Variants in FAM81B observed in about 807,000 individuals in gnomAD.
FAM81B encodes the protein family with sequence similarity 81 member B.
Under a neutral mutation model 58.7 loss-of-function variants are expected in FAM81B, and 60 were observed. The observed-to-expected ratio is 1.02, with a 90% confidence interval of 0.83 to 1.27. The LOEUF is 1.27. Ranked by LOEUF, FAM81B falls within the 50% of genes most tolerant of loss-of-function variation. The pLI, the probability that FAM81B is intolerant of heterozygous loss-of-function variation, is 0.00. For synonymous variants in FAM81B, 189 were observed against 179.6 expected (o/e 1.05, Z -0.42); for missense variants, 491 against 522.0 (o/e 0.94, Z 0.58).
In FAM81B at chr5:95,414,063, A is replaced by T; in HGVS notation, c.410A>T (p.Glu137Val). Reference sequence around the variant, plus strand: ...CTTGAACAAGCCTTCCGCATCAAGGAGGACATCTCTGCTTGCCTGCAGGGG... The same window carrying T: ...CTTGAACAAGCCTTCCGCATCAAGGTGGACATCTCTGCTTGCCTGCAGGGG... ...FLLEQAFRIK[E>V]DISACLQGTH... Residue 137 changes from glutamate to valine, a missense_variant, in exon 4 of 10, where the codon GAG (glutamate) becomes GTG (valine). Transcript: ENST00000283357. 6.2e-7 allele frequency: 1 copy of T among 1,614,124 alleles called. No homozygotes were observed. Among genetic ancestry groups the T allele is most frequent in the Non-Finnish European group, 8.5e-7 (1 of 1,180,004 alleles).
chr5:95,448,470 C>T lies in FAM81B; in HGVS notation c.1225+6C>T. 6.3e-7 allele frequency: 1 copy of T among 1,589,992 alleles called. No homozygotes were observed. The highest frequency in any genetic ancestry group is 8.5e-7 in the Non-Finnish European group (1 of 1,172,450). On this transcript the variant is annotated splice_donor_region_variant and intron_variant, in intron 9 of 9. Coordinates refer to ENST00000283357, the MANE Select transcript of FAM81B (RefSeq NM_152548.3). Reference sequence around the variant, plus strand: ...GCAGAATGAATATCAATCAGGTGAGCAGATACCTTTTATTAAGTAAAGAAT... The same window carrying T: ...GCAGAATGAATATCAATCAGGTGAGTAGATACCTTTTATTAAGTAAAGAAT...
chr5:95,414,411 A>G (rs1477876266), intron 4 of FAM81B, among the ~76,000 whole-genome samples: 1 of 152,192 alleles, frequency 6.6e-6, no homozygotes, highest in Non-Finnish European at 1.5e-5. Flanking sequence ...AAAAATATTT[A>G]CTGTATATTT....
At chr5:95,403,256 A>C (rs1183047926) in intron 3 of FAM81B, among the ~76,000 whole-genome samples, 1 of 151,748 alleles carries the variant, frequency 6.6e-6, no homozygotes, top group African/African-American at 2.4e-5. Flanking sequence ...TCCCTCCCTC[A>C]CCCTCCCCTG....
intron 4 of FAM81B, among the ~76,000 whole-genome samples, chr5:95,416,174 G>A (rs1018825520): frequency 2.0e-5 from 3 of 152,180 alleles, no homozygotes; most frequent in African/African-American, 7.2e-5. Flanking sequence ...GCTACCTTTA[G>A]TAAATAACTA....
intron 3 of FAM81B, among the ~76,000 whole-genome samples, chr5:95,409,368 A>G (rs1762348796): frequency 6.6e-6 from 1 of 152,054 alleles, no homozygotes; most frequent in Non-Finnish European, 1.5e-5. Flanking sequence ...CATGTTGGCC[A>G]GGCTGGTTTC....
Position 95,448,266 on chromosome 5 carries a change from C to T in FAM81B, c.1030-3C>T. The T allele has an allele frequency of 1.3e-6, 2 of 1,595,726 alleles. No homozygotes were observed. The highest frequency in any genetic ancestry group is 1.7e-6 in the Non-Finnish European group (2 of 1,175,360). ...AAGTTTTATCCCATAATCTCTTTTACAGGAAAAGTCTGAAAATAAAATGGA... is the reference window on the plus strand; with the variant it reads ...AAGTTTTATCCCATAATCTCTTTTATAGGAAAAGTCTGAAAATAAAATGGA... On this transcript the variant is annotated splice_region_variant and splice_polypyrimidine_tract_variant and intron_variant, in intron 8 of 9. Transcript: ENST00000283357.
At chr5:95,410,905 C>A (rs1196933542) in intron 3 of FAM81B, 2 of 152,082 alleles carry the variant, frequency 1.3e-5, no homozygotes, top group African/African-American at 4.8e-5. Context: ...AACATTTCTT[C>A]AAATAAAAAT....
chr5:95,430,561 T>A (rs931682969), intron 6 of FAM81B, among the ~76,000 whole-genome samples: 2 of 152,032 alleles, frequency 1.3e-5, no homozygotes, highest in African/African-American at 4.8e-5. Context: ...TAACTGCTCT[T>A]GCATAGATGG....
chr5:95,448,297 A>G lies in FAM81B; in HGVS notation c.1058A>G (p.Lys353Arg). The change falls in exon 9 of 10, where the codon AAA becomes AGA. Residue 353 changes from lysine (K) to arginine (R), a missense_variant. By Grantham distance (26) the Lys-to-Arg change is conservative (BLOSUM62 2). Transcript: ENST00000283357. ...AAGTCTGAAAATAAAATGGAAGAAA[A>G]ACTGCTGCAGCTTTCAAGCAAAGTA... ...LEKSENKMEE[K>R]LLQLSSKVEN... is the part of the protein sequence containing the mutation. 1 of 1,603,670 alleles carries G rather than the reference A, an allele frequency of 6.2e-7. No homozygotes were observed. Among genetic ancestry groups the G allele is most frequent in the Non-Finnish European group, 8.5e-7 (1 of 1,177,350 alleles).
intron 5 of FAM81B, among the ~76,000 whole-genome samples, chr5:95,422,475 A>T (rs1762711522): frequency 1.3e-5 from 2 of 152,048 alleles, no homozygotes; most frequent in African/African-American, 4.8e-5. Flanking sequence ...AAAACCAAAC[A>T]TGGTTTCTTT....
intron 4 of FAM81B, among the ~76,000 whole-genome samples, chr5:95,419,252 G>C (rs1296443035): frequency 6.6e-6 from 1 of 152,092 alleles, no homozygotes; most frequent in African/African-American, 2.4e-5. Flanking sequence ...TGTGGTCTTT[G>C]AAATTCTTGT....
chr5:95,450,220 T>C lies in FAM81B; in HGVS notation c.1297T>C (p.Tyr433His). The part of the protein sequence containing the change: ...IQKTKMDLEK[Y>H]KVQKDLKKLQ... ...GAAAACAAAGATGGATTTAGAGAAA[T>C]ATAAAGTACAGAAAGACCTAAAGAA... is the stretch of plus-strand genomic sequence containing the variant. The change falls in exon 10 of 10, where the codon TAT becomes CAT. Residue 433 changes from tyrosine (Y) to histidine (H), a missense_variant. Transcript: ENST00000283357. 6.2e-7 allele frequency: 1 copy of C among 1,613,272 alleles called. No individual in the cohort carries two copies. The highest frequency in any genetic ancestry group is 8.5e-7 in the Non-Finnish European group (1 of 1,179,610).
At chr5:95,413,375 C>G (rs566746204) in intron 3 of FAM81B, among the ~76,000 whole-genome samples, 1 of 152,200 alleles carries the variant, frequency 6.6e-6, no homozygotes, top group East Asian at 1.9e-4. Context: ...GAGATTATGT[C>G]TTTTGGGATT....
At chr5:95,447,739 T>A (rs1031061834) in intron 8 of FAM81B, among the ~76,000 whole-genome samples, 3 of 152,196 alleles carry the variant, frequency 2.0e-5, no homozygotes, top group Non-Finnish European at 4.4e-5. Flanking sequence ...CAGCTGATTA[T>A]CCTAAGGCTG....
intron 6 of FAM81B, among the ~76,000 whole-genome samples, chr5:95,434,790 T>A (rs1405592908): frequency 6.6e-6 from 1 of 152,282 alleles, no homozygotes; most frequent in African/African-American, 2.4e-5. Context: ...CCTCTGATTA[T>A]ATATTTGGCT....
intron 6 of FAM81B, among the ~76,000 whole-genome samples, chr5:95,434,256 T>C (rs1281226284): frequency 6.6e-6 from 1 of 152,174 alleles, no homozygotes; most frequent in Non-Finnish European, 1.5e-5. Context: ...TCAGGTTCAT[T>C]CAAACTTTTG....
intron 8 of FAM81B, 111 bp downstream of exon 8, chr5:95,446,808 G>A (rs1582833494): frequency 7.2e-7 from 1 of 1,385,032 alleles, no homozygotes; most frequent in South Asian, 1.3e-5. Flanking sequence ...CACTGCTTCA[G>A]TAACTTTTTT....
chr5:95,399,511 C>T (rs1056815890), intron 3 of FAM81B, among the ~76,000 whole-genome samples: 1 of 150,790 alleles, frequency 6.6e-6, no homozygotes, highest in Admixed American at 6.6e-5. Context: ...ATGGGCAAGG[C>T]TCTGCTGAGA....
chr5:95,439,558 G>C (rs1042440705), intron 7 of FAM81B, among the ~76,000 whole-genome samples: 2 of 151,136 alleles, frequency 1.3e-5, no homozygotes, highest in African/African-American at 4.9e-5. Context: ...ATTTGACTGA[G>C]ATATGTATTG....
Sources: allele counts gnomAD v4.1 joint callset (sites outside exome capture counted in the v4.1 genomes callset), GRCh38; gene constraint gnomAD v4.1.1; transcripts MANE v1.5; gene names NCBI Gene and HGNC (gene_info 2026-07-23, HGNC 2026-07-21).